The following FAM184B variants were observed in gnomAD, a reference collection of about 807,000 sequenced individuals.
FAM184B encodes family with sequence similarity 184 member B, also known as protein FAM184B.
FAM184B carries 111 observed loss-of-function variants against 135.9 expected under a neutral mutation model. The ratio of observed to expected loss-of-function variants is 0.82; its 90% confidence interval spans 0.70 to 0.96. FAM184B has a LOEUF of 0.96. FAM184B is among the 40% of genes least tolerant of loss of function. The pLI is 0.00. For missense variants in FAM184B, 1,375 were observed against 1,323.9 expected (o/e 1.04, Z -0.60); for synonymous variants, 552 against 524.8 (o/e 1.05, Z -0.71).
chr4:17,744,183 C>A (rs1229458830), intron 1 of FAM184B, among the ~76,000 whole-genome samples: 2 of 152,210 alleles, frequency 1.3e-5, no homozygotes, highest in African/African-American at 4.8e-5. Flanking sequence ...ATCTCCCTAT[C>A]TTAAAGTCAA....
chr4:17,775,544 A>G (rs941452583), intron 1 of FAM184B, among the ~76,000 whole-genome samples: 4 of 152,218 alleles, frequency 2.6e-5, no homozygotes, highest in Non-Finnish European at 5.9e-5. Context: ...CTTAACATCA[A>G]TAGAAACACT....
At chr4:17,780,630 A>T (rs1719014118) in intron 1 of FAM184B, among the ~76,000 whole-genome samples, 2 of 151,932 alleles carry the variant, frequency 1.3e-5, no homozygotes, top group Non-Finnish European at 2.9e-5. Context: ...GCTCTTCCCC[A>T]TTTATGCTCC....
At chr4:17,698,861 A>ATG (rs1387097374) in intron 5 of FAM184B, among the ~76,000 whole-genome samples, 2 of 152,196 alleles carry the variant, frequency 1.3e-5, no homozygotes, top group African/African-American at 4.8e-5. Flanking sequence ...CAAAAACTAG[A>ATG]TGTTCAACAA....
At chr4:17,717,889 T>A (rs1289724567) in intron 1 of FAM184B, among the ~76,000 whole-genome samples, 1 of 152,158 alleles carries the variant, frequency 6.6e-6, no homozygotes, top group African/African-American at 2.4e-5. Context: ...TCTATTTAGG[T>A]TGGTGCAAAT....
At chr4:17,637,056 T>C (rs559895353) in intron 14 of FAM184B, among the ~76,000 whole-genome samples, 18 of 152,116 alleles carry the variant, frequency 1.2e-4, no homozygotes, top group Admixed American at 9.8e-4. Flanking sequence ...AGACGGAGTC[T>C]CCCTCTGTCG....
At chr4:17,765,943 A>T (rs1222239523) in intron 1 of FAM184B, among the ~76,000 whole-genome samples, 2 of 151,978 alleles carry the variant, frequency 1.3e-5, no homozygotes, top group East Asian at 1.9e-4. Context: ...GCACATCTAG[A>T]ATTACTCCTT....
chr4:17,714,206 C>G (rs948304806), intron 1 of FAM184B, among the ~76,000 whole-genome samples: 1 of 152,182 alleles, frequency 6.6e-6, no homozygotes, highest in Non-Finnish European at 1.5e-5. Flanking sequence ...CAGCGAAGAG[C>G]TGCTGCAGAA....
intron 1 of FAM184B, among the ~76,000 whole-genome samples, chr4:17,742,772 C>A (rs1281928413): frequency 6.6e-6 from 1 of 152,216 alleles, no homozygotes; most frequent in Non-Finnish European, 1.5e-5. Context: ...ATAAAGTCTT[C>A]CACATGCATC....
chr4:17,699,681 G>A (rs1048019618), intron 5 of FAM184B, among the ~76,000 whole-genome samples: 5 of 152,016 alleles, frequency 3.3e-5, no homozygotes, highest in African/African-American at 4.8e-5. Context: ...CACGCTACAA[G>A]AAATGTTACA....
chr4:17,723,563 C>T (rs1717578537), intron 1 of FAM184B, among the ~76,000 whole-genome samples: 2 of 152,196 alleles, frequency 1.3e-5, no homozygotes, highest in Admixed American at 6.5e-5. Context: ...GGAAGGGCCA[C>T]ACTGGGTCAA....
intron 10 of FAM184B, among the ~76,000 whole-genome samples, chr4:17,654,507 C>G (rs1253744232): frequency 9.9e-5 from 15 of 152,198 alleles, no homozygotes; most frequent in Admixed American, 9.8e-4. Context: ...CCATATTTTT[C>G]AACAGAGCAG....
At chr4:17,651,662 A>C (rs6835077) in intron 11 of FAM184B, among the ~76,000 whole-genome samples, 2 of 151,832 alleles carry the variant, frequency 1.3e-5, no homozygotes, top group Admixed American at 1.3e-4. Context: ...CATTTACTCA[A>C]GTAATTGTCA....
intron 12 of FAM184B, among the ~76,000 whole-genome samples, chr4:17,647,194 G>C (rs1715490064): frequency 6.6e-6 from 1 of 151,194 alleles, no homozygotes; most frequent in Non-Finnish European, 1.5e-5. Context: ...CTGTGGAGAA[G>C]GGTCTTCCCC....
chr4:17,652,733 G>A (rs918602183), intron 11 of FAM184B, 97 bp downstream of exon 11: 47 of 1,402,842 alleles, frequency 3.4e-5, no homozygotes, highest in Middle Eastern at 5.1e-4. Context: ...CTGTGAGCCC[G>A]AGAACCCTGG....
chr4:17,668,239 C>T (rs183354592), intron 7 of FAM184B, among the ~76,000 whole-genome samples: 503 of 152,330 alleles, frequency 3.3e-3, no homozygotes, highest in Non-Finnish European at 5.5e-3. Context: ...AGGCCCAGCA[C>T]CAGATAAAGA....
At chr4:17,693,456 A>G in intron 5 of FAM184B, 44 bp from the exon 6 acceptor site, 1 of 1,469,738 alleles carries the variant, frequency 6.8e-7, no homozygotes, top group Non-Finnish European at 9.3e-7. Context: ...GCACGAAAAC[A>G]GGACACTTAA....
chr4:17,752,390 A>ATGG (rs1311384057), intron 1 of FAM184B, among the ~76,000 whole-genome samples: 1 of 151,990 alleles, frequency 6.6e-6, no homozygotes, highest in Non-Finnish European at 1.5e-5. Flanking sequence ...GGAGCAGGCA[A>ATGG]TGAAAAGAAT....
chr4:17,748,499 T>G (rs1718224254), intron 1 of FAM184B, among the ~76,000 whole-genome samples: 1 of 135,502 alleles, frequency 7.4e-6, no homozygotes, highest in African/African-American at 2.6e-5. Flanking sequence ...TTAATCCTCT[T>G]GTGTAATTTT....
intron 5 of FAM184B, among the ~76,000 whole-genome samples, chr4:17,703,374 T>C (rs531931373): frequency 1.4e-4 from 22 of 151,972 alleles, no homozygotes; most frequent in Non-Finnish European, 3.1e-4. Context: ...AGCATGCACC[T>C]GCAGCCCCAG....
Sources: allele counts gnomAD v4.1 joint callset (sites outside exome capture counted in the v4.1 genomes callset), GRCh38; gene constraint gnomAD v4.1.1; transcripts MANE v1.5; gene names NCBI Gene and HGNC (gene_info 2026-07-23, HGNC 2026-07-21).